The following POU3F3 variants were observed in gnomAD, a reference collection of about 807,000 sequenced individuals.
POU3F3 encodes the protein POU class 3 homeobox 3, also known as POU domain, class 3, transcription factor 3.
A neutral mutation model predicts 8.6 loss-of-function variants in POU3F3; 1 was observed. The ratio of observed to expected loss-of-function variants is 0.12; its 90% CI spans 0.04 to 0.55. The LOEUF is 0.55. Ranked by LOEUF, POU3F3 falls within the 20% of genes least tolerant of loss-of-function variation. POU3F3 has a pLI of 0.91. For missense variants in POU3F3, 577 were observed against 690.7 expected (o/e 0.84, Z 1.84); for synonymous variants, 418 against 327.4 (o/e 1.28, Z -2.99).
At position 104,856,098 on chromosome 2, in the gene POU3F3, AGCCGCC is replaced by A. The variant is rs771609174; in HGVS notation, c.606_611del (p.Ala203_Ala204del). 152 of 1,041,380 alleles carry A rather than the reference AGCCGCC, an allele frequency of 1.5e-4. No individual in the cohort carries two copies. The highest frequency in any genetic ancestry group is 4.6e-4 in the Middle Eastern group (1 of 2,172). 64.5% of individuals were successfully genotyped at this position (1,041,380 alleles called of 1,614,324 possible). On this transcript the variant is annotated inframe_deletion, in exon 1 of 1. Coordinates refer to ENST00000361360, the MANE Select transcript of POU3F3 (RefSeq NM_006236.3). ...GGGCGGCCGCCGCTGCCGCAGCCGC[AGCCGCC>A]GCCGCCGCCGCCGCCGCGCACCTCC...
the POU3F3 span, among the ~76,000 whole-genome samples, chr2:104,924,153 G>A: frequency 2.6e-5 from 4 of 152,336 alleles, no homozygotes; most frequent in Middle Eastern, 3.4e-3. Context: ...TTCATGTTAT[G>A]TGTATTTTAC....
At chr2:104,859,414 C>T (rs1294889078), downstream of POU3F3, among the ~76,000 whole-genome samples, 5 of 152,134 alleles carry the variant, frequency 3.3e-5, no homozygotes, top group Admixed American at 2.6e-4. Flanking sequence ...GTACTTAAGA[C>T]GCTAAAGGCT....
the POU3F3 span, among the ~76,000 whole-genome samples, chr2:104,884,945 C>T: frequency 6.6e-6 from 1 of 152,116 alleles, no homozygotes; most frequent in Non-Finnish European, 1.5e-5. Context: ...TGATACGGCT[C>T]CTCACACACT....
Position 104,855,807 on chromosome 2 carries a change from A to G in POU3F3, c.297A>G (p.Thr99=), listed in dbSNP as rs1676549157. 3.4e-6 allele frequency: 4 copies of G among 1,180,634 alleles called. No individual in the cohort carries two copies. Among genetic ancestry groups the G allele is most frequent in the Non-Finnish European group, 1.1e-6 (1 of 947,258 alleles). The allele number at this position is 1,180,634 out of a possible 1,614,324, so 73.1% of individuals were successfully genotyped here. Residue 99 remains threonine (T), a synonymous_variant, in exon 1 of 1, where the codon ACA becomes ACG. Transcript: ENST00000361360. ...HMLSHAHQWV[T]ALPHAAAAAA... ...TGAGCCACGCGCACCAGTGGGTCAC[A>G]GCCCTGCCCCACGCCGCCGCCGCCG... is the stretch of plus-strand genomic sequence containing the variant.
chr2:104,877,320 C>T, the POU3F3 span, among the ~76,000 whole-genome samples: 1 of 152,148 alleles, frequency 6.6e-6, no homozygotes, highest in Non-Finnish European at 1.5e-5. Context: ...GCGATTAGCT[C>T]TCCCTCCAAC....
the POU3F3 span, chr2:104,872,293 C>T: frequency 2.2e-6 from 1 of 456,562 alleles, no homozygotes; most frequent in East Asian, 7.0e-5. The surrounding 1 kb of genome is among the most constrained non-coding windows in gnomAD (Gnocchi z 4.6). Context: ...CCGGCCTCTT[C>T]GGGACAACAT....
the POU3F3 span, among the ~76,000 whole-genome samples, chr2:104,876,315 A>T: frequency 5.9e-5 from 9 of 152,182 alleles, no homozygotes; most frequent in Non-Finnish European, 5.9e-5. Context: ...TGCCTTAGAC[A>T]TTGGCCATGT....
chr2:104,873,486 G>C, the POU3F3 span, among the ~76,000 whole-genome samples: 3 of 152,154 alleles, frequency 2.0e-5, no homozygotes, highest in Non-Finnish European at 1.5e-5. Context: ...GCCACGCGTA[G>C]TGCCAGGCAA....
At chr2:104,877,611 C>T in the POU3F3 span, among the ~76,000 whole-genome samples, 1 of 151,704 alleles carries the variant, frequency 6.6e-6, no homozygotes, top group Admixed American at 6.6e-5. Context: ...TGGGAGGCCA[C>T]AGTCTCTGGG....
At chr2:104,909,242 T>C in the POU3F3 span, among the ~76,000 whole-genome samples, 1 of 152,156 alleles carries the variant, frequency 6.6e-6, no homozygotes, top group African/African-American at 2.4e-5. Context: ...GGCTCCCAAG[T>C]CTCTGCCTTT....
the POU3F3 span, among the ~76,000 whole-genome samples, chr2:104,925,683 GC>G: frequency 6.6e-6 from 1 of 152,328 alleles, no homozygotes; most frequent in African/African-American, 2.4e-5. Context: ...TGATTATTTA[GC>G]CTAGAATAAA....
At chr2:104,898,509 G>C in the POU3F3 span, among the ~76,000 whole-genome samples, 2 of 152,130 alleles carry the variant, frequency 1.3e-5, no homozygotes, top group Non-Finnish European at 2.9e-5. Context: ...ATGTAGAATA[G>C]AAATTCTAGT....
At chr2:104,871,014 G>C in the POU3F3 span, among the ~76,000 whole-genome samples, 1 of 152,172 alleles carries the variant, frequency 6.6e-6, no homozygotes, top group African/African-American at 2.4e-5. Flanking sequence ...TCTCTTTGCT[G>C]CCTGGGTTCC....
the POU3F3 span, among the ~76,000 whole-genome samples, chr2:104,888,494 C>T: frequency 1.3e-5 from 2 of 152,062 alleles, no homozygotes; most frequent in Non-Finnish European, 2.9e-5. Flanking sequence ...TGTTGTTGAT[C>T]GAGGATCTCT....
chr2:104,878,255 AC>A, the POU3F3 span, among the ~76,000 whole-genome samples: 4 of 152,180 alleles, frequency 2.6e-5, no homozygotes, highest in African/African-American at 9.6e-5. Flanking sequence ...CATGCAATTT[AC>A]CCAAATTTTA....
rs1676579770 is a variant in POU3F3 at position 104,857,057 on chromosome 2, C to T, written c.*44C>T. 7.3e-7 allele frequency: 1 copy of T among 1,369,650 alleles called. No individual in the cohort carries two copies. The allele number at this position is 1,369,650 out of a possible 1,614,324, so 84.8% of individuals were successfully genotyped here. On this transcript the variant is annotated 3_prime_UTR_variant, in exon 1 of 1. Transcript: ENST00000361360. ...AGAGGGCCGCCGCCGCCGCCGCCTC[C>T]GCAGCCGCCGTCAGCACCGCCGCCG... is the stretch of plus-strand genomic sequence containing the variant.
the POU3F3 span, among the ~76,000 whole-genome samples, chr2:104,899,236 G>T: frequency 6.6e-6 from 1 of 152,222 alleles, no homozygotes; most frequent in East Asian, 1.9e-4. Flanking sequence ...CTGTGCCTGG[G>T]TTGTGTGTTT....
In POU3F3 at chr2:104,856,426, A is replaced by G; in HGVS notation, c.916A>G (p.Asn306Asp). The part of the protein sequence containing the change: ...GGGGGAGPGL[N>D]SHDPHSDEDT... ...CGGCGGCGGCGCGGGGCCTGGACTCAACAGCCACGACCCGCACTCGGACGA... is the reference window on the plus strand; with the variant it reads ...CGGCGGCGGCGCGGGGCCTGGACTCGACAGCCACGACCCGCACTCGGACGA... The change falls in exon 1 of 1, where the codon AAC (asparagine) becomes GAC (aspartate). Residue 306 changes from asparagine (N) to aspartate (D), a missense_variant. Coordinates refer to ENST00000361360, the MANE Select transcript of POU3F3 (RefSeq NM_006236.3). 6.2e-7 allele frequency: 1 copy of G among 1,607,532 alleles called. No homozygotes were observed. The highest frequency in any genetic ancestry group is 8.5e-7 in the Non-Finnish European group (1 of 1,177,908).
the POU3F3 span, among the ~76,000 whole-genome samples, chr2:104,913,652 C>G: frequency 1.3e-5 from 2 of 152,166 alleles, no homozygotes; most frequent in African/African-American, 4.8e-5. Flanking sequence ...GGTTGGGTCA[C>G]CAAGGCCCAG....
Sources: gnomAD v4.1 joint callset for allele counts (sites outside exome capture counted in the v4.1 genomes callset) on GRCh38, gnomAD v4.1.1 for gene constraint, Gnocchi (gnomAD v3.1) non-coding constraint, MANE v1.5 for transcripts, NCBI Gene and HGNC (gene_info 2026-07-23, HGNC 2026-07-21) for gene names.